The following MUC5B variants were observed in gnomAD, a reference collection of about 807,000 sequenced individuals.
The protein encoded by MUC5B is mucin-5B.
Under a neutral mutation model 376.9 loss-of-function variants are expected in MUC5B, and 116 were observed. The ratio of observed to expected loss-of-function variants is 0.31; its 90% CI spans 0.26 to 0.36. The LOEUF (loss-of-function observed/expected upper bound fraction) is 0.36. Ranked by LOEUF, MUC5B falls within the 10% of genes least tolerant of loss-of-function variation. The pLI is 1.00. For missense variants in MUC5B, 7,165 were observed against 7,769.9 expected (o/e 0.92, Z 2.93); for synonymous variants, 3,517 against 3,390.9 (o/e 1.04, Z -1.29).
chr11:1,233,233 T>C lies in MUC5B; in HGVS notation c.2286T>C (p.Ala762=). ...GCTACGCTCACGGCACCGTGCTGGC[T>C]CCTGGAGAGGTGGTGCACGACGAGG... The part of the protein sequence containing the change: ...CPCYAHGTVL[A]PGEVVHDEGA... The change falls in exon 18 of 49, where the codon GCT becomes GCC. Residue 762 remains alanine (A), a synonymous_variant. Transcript: ENST00000529681. 1 of 1,590,718 alleles carries C rather than the reference T, an allele frequency of 6.3e-7. No homozygotes were observed. The highest frequency in any genetic ancestry group is 2.3e-5 in the East Asian group (1 of 44,252).
In MUC5B at chr11:1,239,515, A is replaced by C; in HGVS notation, c.3532A>C (p.Thr1178Pro). The change falls in exon 27 of 49, where the codon ACC (threonine) becomes CCC (proline). Residue 1178 changes from threonine (T) to proline (P), a missense_variant. This residue lies in a region of MUC5B where 517 missense variants were observed against 545.3 expected (regional missense o/e 0.95). Transcript: ENST00000529681. Reference sequence around the variant, plus strand: ...GCCCTGCGGGGCACCCTGCCTAAAAACCTGCCGGAACCCCAGTGGGCACTG... The same window carrying C: ...GCCCTGCGGGGCACCCTGCCTAAAACCCTGCCGGAACCCCAGTGGGCACTG... ...YQPCGAPCLK[T>P]CRNPSGHCLV... 1 of 1,602,494 alleles carries C rather than the reference A, an allele frequency of 6.2e-7. No homozygotes were observed.
rs71469863 is a variant in MUC5B at position 1,246,422 on chromosome 11, C to G, written c.9542C>G (p.Ala3181Gly). The G allele has an allele frequency of 1.2e-6, 2 of 1,613,560 alleles. No individual in the cohort carries two copies. The highest frequency in any genetic ancestry group is 1.7e-6 in the Non-Finnish European group (2 of 1,179,762). ...ATVTVPTGST[A>G]TASSTRATAG... ...GTGACGGTGCCCACCGGATCCACGG[C>G]CACCGCCTCCTCCACCCGGGCAACT... is the stretch of plus-strand genomic sequence containing the variant. The change falls in exon 31 of 49, where the codon GCC becomes GGC. Residue 3181 changes from alanine (A) to glycine (G), a missense_variant. Physicochemically the swap from Ala to Gly is moderately conservative, Grantham distance 60. This residue lies in a region of MUC5B where 939 missense variants were observed against 770.6 expected (regional missense o/e 1.22). Coordinates refer to ENST00000529681, the MANE Select transcript of MUC5B (RefSeq NM_002458.3).
At chr11:1,231,034 T>A (rs997276777) in intron 13 of MUC5B, 29 bp downstream of exon 13, 1 of 1,556,484 alleles carries the variant, frequency 6.4e-7, no homozygotes, top group Admixed American at 1.9e-5. Flanking sequence ...ACGGCCGGGC[T>A]GGGTGGCGCC....
chr11:1,242,109 G>C lies in MUC5B; in HGVS notation c.5229G>C (p.Thr1743=). Residue 1743 remains threonine, a synonymous_variant, in exon 31 of 49, where the codon ACG becomes ACC. Coordinates refer to ENST00000529681, the MANE Select transcript of MUC5B (RefSeq NM_002458.3). ...ASTASKEPLT[T]SLAPTLTSEL... ...CCGCTTCCAAAGAGCCGCTGACCACGAGCCTGGCGCCAACACTCACGAGCG... is the reference window on the plus strand; with the variant it reads ...CCGCTTCCAAAGAGCCGCTGACCACCAGCCTGGCGCCAACACTCACGAGCG... 6.2e-7 allele frequency: 1 copy of C among 1,613,208 alleles called. No homozygotes were observed. Among genetic ancestry groups the C allele is most frequent in the Non-Finnish European group, 8.5e-7 (1 of 1,179,756 alleles).
Position 1,233,101 on chromosome 11 carries a change from C to A in MUC5B, c.2154C>A (p.Ala718=), listed in dbSNP as rs774019400. Residue 718 remains alanine (A), a synonymous_variant, in exon 18 of 49, where the codon GCC becomes GCA. Transcript: ENST00000529681. The part of the protein sequence containing the change: ...CQPTCRGLSE[A]DVTCSVSFVP... The stretch of plus-strand genomic sequence containing the variant: ...CCACTTGCCGCGGCCTGAGTGAGGC[C>A]GACGTCACCTGCAGCGTTTCCTTCG... The A allele has an allele frequency of 6.2e-7, 1 of 1,607,844 alleles. No individual in the cohort carries two copies. The highest frequency in any genetic ancestry group is 1.7e-5 in the Admixed American group (1 of 59,852).
At position 1,246,494 on chromosome 11, in the gene MUC5B, T is replaced by A. The variant is rs1352467278; in HGVS notation, c.9614T>A (p.Val3205Asp). ...ACCAGCACGGCCACCACACCCACAG[T>A]CATCAGCTCCAGAGCCACTCCCTCC... ...VLTSTATTPTVISSRATPSSS... is the reference protein window; with the variant it reads ...VLTSTATTPTDISSRATPSSS... Residue 3205 changes from valine to aspartate, a missense_variant, in exon 31 of 49, where the codon GTC (valine) becomes GAC (aspartate). Val to Asp is a radical substitution (Grantham distance 152). Coordinates refer to ENST00000529681, the MANE Select transcript of MUC5B (RefSeq NM_002458.3). 1.2e-6 allele frequency: 2 copies of A among 1,604,666 alleles called. No homozygotes were observed. The highest frequency in any genetic ancestry group is 1.7e-5 in the Admixed American group (1 of 59,338).
At position 1,246,459 on chromosome 11, in the gene MUC5B, C is replaced by G. The variant is rs757571991; in HGVS notation, c.9579C>G (p.Leu3193=). Residue 3193 remains leucine, a synonymous_variant, in exon 31 of 49, where the codon CTC becomes CTG. Transcript: ENST00000529681. ...ASSTRATAGT[L]KVLTSTATTP... ...CCACCCGGGCAACTGCTGGCACCCT[C>G]AAAGTGCTGACCAGCACGGCCACCA... 1.2e-5 allele frequency: 20 copies of G among 1,613,462 alleles called. No homozygotes were observed. The highest frequency in any genetic ancestry group is 1.4e-5 in the Non-Finnish European group (16 of 1,179,784).
In MUC5B at chr11:1,233,279, G is replaced by T. The variant is rs1040420843; in HGVS notation, c.2321+11G>T. Reference sequence around the variant, plus strand: ...CGAGGGCGCCGTGTGGTAAGGGTCTGGGGGGAAAGCAGGCCCCCCAGGTGC... The same window carrying T: ...CGAGGGCGCCGTGTGGTAAGGGTCTTGGGGGAAAGCAGGCCCCCCAGGTGC... On this transcript the variant is annotated intron_variant, in intron 18 of 48. Coordinates refer to ENST00000529681, the MANE Select transcript of MUC5B (RefSeq NM_002458.3). The T allele has an allele frequency of 2.6e-6, 4 of 1,533,612 alleles. No individual in the cohort carries two copies. Among genetic ancestry groups the T allele is most frequent in the African/African-American group, 2.7e-5 (2 of 73,310 alleles).
At position 1,250,154 on chromosome 11, in the gene MUC5B, C is replaced by G. The variant is rs200717637; in HGVS notation, c.13274C>G (p.Thr4425Ser). The G allele has an allele frequency of 3.3e-4, 525 of 1,608,232 alleles. 5 individuals carry two copies. In the African/African-American group the frequency reaches 5.9e-3, roughly 18 times the overall value. The change falls in exon 31 of 49, where the codon ACC becomes AGC. Residue 4425 changes from threonine (T) to serine (S), a missense_variant. This residue lies in a region of MUC5B where 431 missense variants were observed against 390.4 expected (regional missense o/e 1.10). Transcript: ENST00000529681. ...ACCACCTGGATCCTCACAGAGCTGACCACAACAGCCACTACGACTGCGTCC... is the reference window on the plus strand; with the variant it reads ...ACCACCTGGATCCTCACAGAGCTGAGCACAACAGCCACTACGACTGCGTCC... ...PGTTWILTEL[T>S]TTATTTASTG...
chr11:1,248,806 C>G lies in MUC5B; in HGVS notation c.11926C>G (p.Leu3976Val). ...TPGTTPIPPV[L>V]TTTATTPAAT... ...AGGGACAACACCTATCCCCCCAGTG[C>G]TGACCACCACCGCCACCACACCTGC... is the stretch of plus-strand genomic sequence containing the variant. Residue 3976 changes from leucine to valine, a missense_variant, in exon 31 of 49, where the codon CTG becomes GTG. Coordinates refer to ENST00000529681, the MANE Select transcript of MUC5B (RefSeq NM_002458.3). 3 of 1,548,782 alleles carry G rather than the reference C, an allele frequency of 1.9e-6. No homozygotes were observed. The highest frequency in any genetic ancestry group is 2.6e-6 in the Non-Finnish European group (3 of 1,145,882).
rs1195386388 is a variant in MUC5B, at chr11:1,233,867, C to T, written c.2377+19C>T. 5 of 1,557,646 alleles carry T rather than the reference C, an allele frequency of 3.2e-6. No homozygotes were observed. Among genetic ancestry groups the T allele is most frequent in the Non-Finnish European group, 4.3e-6 (5 of 1,150,576 alleles). ...AGCACAGGTAAGTGCCACCCCTGCCCTGCCCTGCCCTGCCCCGCCCCGCAT... is the reference window on the plus strand; with the variant it reads ...AGCACAGGTAAGTGCCACCCCTGCCTTGCCCTGCCCTGCCCCGCCCCGCAT... On this transcript the variant is annotated intron_variant, in intron 19 of 48. Coordinates refer to ENST00000529681, the MANE Select transcript of MUC5B (RefSeq NM_002458.3).
chr11:1,258,468 C>A lies in MUC5B; in HGVS notation c.16593+101C>A. 2 of 1,394,696 alleles carry A rather than the reference C, an allele frequency of 1.4e-6. No homozygotes were observed. Among genetic ancestry groups the A allele is most frequent in the African/African-American group, 1.4e-5 (1 of 69,994 alleles). 86.4% of individuals were successfully genotyped at this position (1,394,696 alleles called of 1,614,324 possible). On this transcript the variant is annotated intron_variant, in intron 43 of 48. Coordinates refer to ENST00000529681, the MANE Select transcript of MUC5B (RefSeq NM_002458.3). This position sits in a 1 kb window ranked among gnomAD's most constrained non-coding sequence, Gnocchi z 5.5. The stretch of plus-strand genomic sequence containing the variant: ...CCCACTCCTTGTCTTGACATTCCTG[C>A]CCTGAGGGCCGATCCGCACAGGGGC...
intron 18 of MUC5B, 106 bp from the exon 19 acceptor site, chr11:1,233,687 T>C: frequency 9.1e-7 from 1 of 1,095,272 alleles, no homozygotes; most frequent in African/African-American, 1.6e-5. Context: ...TACAAGGAGG[T>C]GGCCAGGCTG....
At chr11:1,240,528 C>T (rs964819568) in intron 30 of MUC5B, among the ~76,000 whole-genome samples, 153 bp downstream of exon 30, 59 of 152,158 alleles carry the variant, frequency 3.9e-4, no homozygotes, top group Admixed American at 1.2e-3. Context: ...CCTCAACACC[C>T]TGCGTGTCTC....
chr11:1,223,191 C>G lies in MUC5B; in HGVS notation c.68C>G (p.Ala23Gly). The change falls in exon 1 of 49, where the codon GCA becomes GGA. Residue 23 changes from alanine (A) to glycine (G), a missense_variant and splice_region_variant. Coordinates refer to ENST00000529681, the MANE Select transcript of MUC5B (RefSeq NM_002458.3). ...ALAAMLVVPQ[A>G]ETQGPVEPSW... ...GCGGCCATGCTCGTGGTGCCGCAGG[C>G]AGGTAAGAGCCCCCCACTCCGCCCC... 2.8e-6 allele frequency: 2 copies of G among 711,080 alleles called. No individual in the cohort carries two copies. Among genetic ancestry groups the G allele is most frequent in the Non-Finnish European group, 5.2e-6 (2 of 384,620 alleles). The allele number at this position is 711,080 out of a possible 1,614,324, so 44.0% of individuals were successfully genotyped here. A position where few individuals can be genotyped will look rare whatever the true frequency, so the allele number is the denominator to read the frequency against.
rs750701957 is a variant in MUC5B, at chr11:1,261,527, C to A, written c.17208C>A (p.Gly5736=). ...CCTACACCCACGTGGATGAGTGTGGCTGCACGCCCTTCTGTGTCCCTGCGC... is the reference window on the plus strand; with the variant it reads ...CCTACACCCACGTGGATGAGTGTGGATGCACGCCCTTCTGTGTCCCTGCGC... ...LHTYTHVDEC[G]CTPFCVPAPM... The change falls in exon 49 of 49, where the codon GGC becomes GGA. Residue 5736 remains glycine, a synonymous_variant. Coordinates refer to ENST00000529681, the MANE Select transcript of MUC5B (RefSeq NM_002458.3). 2 of 1,607,282 alleles carry A rather than the reference C, an allele frequency of 1.2e-6. No individual in the cohort carries two copies. Among genetic ancestry groups the A allele is most frequent in the Admixed American group, 3.4e-5 (2 of 59,418 alleles).
At chr11:1,226,566 C>T in intron 3 of MUC5B, 49 bp from the exon 4 acceptor site, 1 of 1,569,372 alleles carries the variant, frequency 6.4e-7, no homozygotes, top group Non-Finnish European at 8.6e-7. Flanking sequence ...GGGAGGCTAC[C>T]CCGTGGGGGG....
chr11:1,230,680 C>T (rs1210212035), intron 12 of MUC5B, 80 bp downstream of exon 12: 6 of 1,318,456 alleles, frequency 4.6e-6, no homozygotes, highest in African/African-American at 4.4e-5. Context: ...GGTCAGGTCC[C>T]CCTCCAGCCC....
chr11:1,250,092 C>T lies in MUC5B; in HGVS notation c.13212C>T (p.Ala4404=). Residue 4404 remains alanine, a synonymous_variant, in exon 31 of 49, where the codon GCC becomes GCT. Transcript: ENST00000529681. ...CCACAGCAGCCACTACAACTGCAGC[C>T]ACTGGCCCCACGGCCACCCCGTCCT... ...ELTTAATTTA[A]TGPTATPSST... is the part of the protein sequence containing the mutation. 1 of 1,595,892 alleles carries T rather than the reference C, an allele frequency of 6.3e-7. No individual in the cohort carries two copies. The highest frequency in any genetic ancestry group is 8.5e-7 in the Non-Finnish European group (1 of 1,169,958).
Sources: gnomAD v4.1 joint callset for allele counts (sites outside exome capture counted in the v4.1 genomes callset) on GRCh38, gnomAD v4.1.1 for gene constraint, gnomAD v4.1.1 regional missense constraint, Gnocchi (gnomAD v3.1) non-coding constraint, MANE v1.5 for transcripts, NCBI Gene and HGNC (gene_info 2026-07-23, HGNC 2026-07-21) for gene names.